The following RAP1GAP2 variants were observed in gnomAD, a reference collection of about 807,000 sequenced individuals.
The protein encoded by RAP1GAP2 is RAP1 GTPase activating protein 2.
A neutral mutation model predicts 95.0 loss-of-function variants in RAP1GAP2; 27 were observed. That is an observed-to-expected ratio of 0.28 (90% CI 0.21 to 0.39). RAP1GAP2 has a LOEUF of 0.39. Among genes scored for constraint, RAP1GAP2 ranks in the 10% least tolerant of loss-of-function variants. The pLI, the probability that RAP1GAP2 is intolerant of heterozygous loss-of-function variation, is 1.00. For synonymous variants in RAP1GAP2, 373 were observed against 380.9 expected (o/e 0.98, Z 0.24); for missense variants, 771 against 970.0 (o/e 0.79, Z 2.72).
intron 2 of RAP1GAP2, among the ~76,000 whole-genome samples, chr17:2,895,767 G>A (rs1567752971): frequency 6.6e-6 from 1 of 152,090 alleles, no homozygotes; most frequent in Non-Finnish European, 1.5e-5. Flanking sequence ...TAGTAGATAT[G>A]AGGCTTCACC....
At chr17:2,957,127 CAAAAAAAAAAAA>C (rs531735734) in intron 3 of RAP1GAP2, among the ~76,000 whole-genome samples, 6 of 75,246 alleles carry the variant, frequency 8.0e-5, no homozygotes, top group South Asian at 4.2e-4. Context: ...GACTCTGTCT[CAAAAAAAAAAAA>C]AAAGAAAAAA....
intron 1 of RAP1GAP2, among the ~76,000 whole-genome samples, chr17:2,782,063 C>T (rs2068675048): frequency 6.6e-6 from 1 of 152,198 alleles, no homozygotes; most frequent in African/African-American, 2.4e-5. Context: ...AGAGTGTGCC[C>T]ATCTGGATGG....
At chr17:2,788,633 G>A (rs909299146) in intron 1 of RAP1GAP2, among the ~76,000 whole-genome samples, 1 of 152,124 alleles carries the variant, frequency 6.6e-6, no homozygotes, top group Non-Finnish European at 1.5e-5. Context: ...TTTGGAGGCC[G>A]AGAAGTCCCA....
chr17:2,773,680 C>T (rs2068439632), upstream of RAP1GAP2, among the ~76,000 whole-genome samples: 1 of 151,936 alleles, frequency 6.6e-6, no homozygotes, highest in African/African-American at 2.4e-5. Context: ...AGATACTATT[C>T]ATTCATTCAT....
chr17:3,035,254 C>T lies in RAP1GAP2; in HGVS notation c.*1893C>T, dbSNP rs1037471455. On this transcript the variant is annotated 3_prime_UTR_variant, in exon 25 of 25. Coordinates refer to ENST00000254695, the MANE Select transcript of RAP1GAP2 (RefSeq NM_015085.5). This position sits in a 1 kb window ranked among gnomAD's most constrained non-coding sequence, Gnocchi z 4.3. ...GAAAGAGGCCTGTACGTTCTGGACGCGTTTTGTTGGCTGGGCTTCTGGAGG... is the reference window on the plus strand; with the variant it reads ...GAAAGAGGCCTGTACGTTCTGGACGTGTTTTGTTGGCTGGGCTTCTGGAGG... 4 of 152,608 alleles carry T rather than the reference C, an allele frequency of 2.6e-5. No homozygotes were observed. The highest frequency in any genetic ancestry group is 3.9e-4 in the East Asian group (2 of 5,178). The allele number at this position is 152,608 out of a possible 1,614,324, so 9.5% of individuals were successfully genotyped here. A position where few individuals can be genotyped will look rare whatever the true frequency, so the allele number is the denominator to read the frequency against.
rs1036592400 is a variant in RAP1GAP2, at chr17:3,037,375, C to T, written c.*4014C>T. ...TGGAAGTGTGAACTACCCCCCCCCC[C>T]CCGCTTCCTGCTCCTTAGCATGCGT... On this transcript the variant is annotated 3_prime_UTR_variant, in exon 25 of 25. Transcript: ENST00000254695. The T allele has an allele frequency of 2.4e-5, 2 of 81,766 alleles. No individual in the cohort carries two copies. The highest frequency in any genetic ancestry group is 6.2e-5 in the African/African-American group (2 of 32,342). 5.1% of individuals were successfully genotyped at this position (81,766 alleles called of 1,614,324 possible). A position where few individuals can be genotyped will look rare whatever the true frequency, so the allele number is the denominator to read the frequency against.
intron 2 of RAP1GAP2, among the ~76,000 whole-genome samples, chr17:2,885,776 G>T (rs1311276816): frequency 2.0e-5 from 3 of 152,230 alleles, no homozygotes; most frequent in Non-Finnish European, 4.4e-5. Flanking sequence ...CCTGAAGAGG[G>T]CCCCTTAATT....
At chr17:2,783,659 G>A (rs1304973369) in intron 1 of RAP1GAP2, among the ~76,000 whole-genome samples, 1 of 152,230 alleles carries the variant, frequency 6.6e-6, no homozygotes, top group East Asian at 1.9e-4. Flanking sequence ...CAAAGCTTAT[G>A]GCTTAAAACA....
chr17:2,830,520 C>G (rs1356891666), intron 2 of RAP1GAP2, among the ~76,000 whole-genome samples: 2 of 152,130 alleles, frequency 1.3e-5, no homozygotes, highest in East Asian at 1.9e-4. Flanking sequence ...TCGAGACCAT[C>G]CTGGCTAACA....
At chr17:2,941,640 G>A (rs576596562) in intron 3 of RAP1GAP2, among the ~76,000 whole-genome samples, 1 of 151,442 alleles carries the variant, frequency 6.6e-6, no homozygotes, top group Admixed American at 6.6e-5. Flanking sequence ...GGAGGATGAG[G>A]GATCAAGACA....
intron 2 of RAP1GAP2, among the ~76,000 whole-genome samples, chr17:2,861,831 T>A (rs2072407681): frequency 6.6e-6 from 1 of 152,120 alleles, no homozygotes; most frequent in Non-Finnish European, 1.5e-5. Context: ...ATTTTTTGTA[T>A]TTTTAGTAGA....
chr17:2,799,513 C>T (rs178562), intron 1 of RAP1GAP2, among the ~76,000 whole-genome samples: 8 of 151,928 alleles, frequency 5.3e-5, no homozygotes, highest in Non-Finnish European at 7.4e-5. Flanking sequence ...CCTGAGGCAG[C>T]GCTGGGCTGG....
intron 16 of RAP1GAP2, 99 bp from the exon 17 acceptor site, chr17:3,007,912 G>T (rs1407430951): frequency 4.2e-6 from 6 of 1,423,660 alleles, no homozygotes; most frequent in Admixed American, 4.2e-5. Context: ...GGGCTGGGCA[G>T]AATGTCAGCC....
chr17:2,868,625 C>G (rs547571024), intron 2 of RAP1GAP2, among the ~76,000 whole-genome samples: 1 of 150,384 alleles, frequency 6.6e-6, no homozygotes, highest in East Asian at 2.0e-4. Context: ...TCAAGCTATT[C>G]TCTTGCCTCA....
At chr17:2,987,809 A>G (rs564761353) in intron 11 of RAP1GAP2, among the ~76,000 whole-genome samples, 3 of 152,352 alleles carry the variant, frequency 2.0e-5, no homozygotes, top group East Asian at 1.9e-4. Context: ...TGTTGAAGGC[A>G]TGGAGCCCAA....
chr17:2,985,767 T>C (rs2045537053), intron 11 of RAP1GAP2, among the ~76,000 whole-genome samples: 1 of 151,630 alleles, frequency 6.6e-6, no homozygotes, highest in African/African-American at 2.4e-5. Context: ...TGGGGAGGGG[T>C]TGTCACTTGT....
intron 8 of RAP1GAP2, among the ~76,000 whole-genome samples, chr17:2,972,820 T>C (rs970130391): frequency 1.2e-4 from 19 of 152,168 alleles, no homozygotes; most frequent in African/African-American, 4.6e-4. Flanking sequence ...GGAAATTCAT[T>C]CAGTGTTTGT....
chr17:2,805,676 A>AC (rs1315744690), intron 2 of RAP1GAP2, among the ~76,000 whole-genome samples: 1 of 151,722 alleles, frequency 6.6e-6, no homozygotes, highest in African/African-American at 2.4e-5. Flanking sequence ...CCTGGCCAAA[A>AC]CCTCTGCTCC....
Position 2,826,451 on chromosome 17 carries a change from G to A in RAP1GAP2, c.80+25901G>A, listed in dbSNP as rs112375587. On this transcript the variant is annotated intron_variant, in intron 2 of 24. Coordinates refer to ENST00000254695, the MANE Select transcript of RAP1GAP2 (RefSeq NM_015085.5). ...CAGAGGCGAGGGTGGGGATCCGCTC[G>A]GGGAGGCTCTGAGTGTGTTGCCGGC... Among the ~76,000 whole-genome samples the A allele has an allele frequency of 6.6e-5, 10 of 152,180 alleles. No individual in the cohort carries two copies. In the East Asian group the frequency reaches 1.9e-3, roughly 29 times the overall value.
Sources: allele counts gnomAD v4.1 joint callset (sites outside exome capture counted in the v4.1 genomes callset), GRCh38; gene constraint gnomAD v4.1.1; non-coding constraint Gnocchi (gnomAD v3.1); transcripts MANE v1.5; gene names NCBI Gene and HGNC (gene_info 2026-07-23, HGNC 2026-07-21).